The following PLGRKT variants were observed in gnomAD, a reference collection of about 807,000 sequenced individuals.
PLGRKT encodes plasminogen receptor (KT).
PLGRKT carries 22 observed loss-of-function variants against 18.5 expected under a neutral mutation model. The observed-to-expected ratio is 1.19, with a 90% CI of 0.85 to 1.70. PLGRKT has a LOEUF of 1.70. Among genes scored for constraint, PLGRKT ranks in the 40% most tolerant of loss-of-function variants. The pLI, the probability that PLGRKT is intolerant of heterozygous loss-of-function variation, is 0.00. For missense variants in PLGRKT, 235 were observed against 174.4 expected, an observed-to-expected ratio of 1.35 and a Z score of -1.96; for synonymous variants, 72 against 52.8, an observed-to-expected ratio of 1.36 and a Z score of -1.58.
intron 3 of PLGRKT, among the ~76,000 whole-genome samples, chr9:5,387,028 G>C (rs929136873): frequency 1.3e-5 from 2 of 151,912 alleles, no homozygotes; most frequent in Non-Finnish European, 2.9e-5. Context: ...AGACTGCCAA[G>C]GGCAGAGCTC....
At chr9:5,371,169 G>A (rs778208512) in intron 3 of PLGRKT, among the ~76,000 whole-genome samples, 1 of 152,182 alleles carries the variant, frequency 6.6e-6, no homozygotes. Context: ...AAAAACCTGT[G>A]TTTTATGCCA....
chr9:5,396,532 T>G (rs548635633), intron 3 of PLGRKT, among the ~76,000 whole-genome samples: 5 of 152,012 alleles, frequency 3.3e-5, no homozygotes, highest in African/African-American at 1.2e-4. Context: ...TAACCTCAGG[T>G]GATCTGCCCA....
chr9:5,428,819 G>A lies in PLGRKT; in HGVS notation c.81+3078C>T, dbSNP rs140886430. ...GCTCAAGCAATCCTCCCACCTCAGC[G>A]TCCTGTGTAGCTGGGACTATAGTTG... On this transcript the variant is annotated intron_variant, in intron 3 of 5. Transcript: ENST00000223864. 1.2e-3 allele frequency among the ~76,000 whole-genome samples: 176 copies of A among 152,178 alleles called. No individual in the cohort carries two copies. The Middle Eastern group carries it at 0.017, about 15-fold the overall frequency.
chr9:5,435,961 G>A (rs1818951491), intron 2 of PLGRKT, among the ~76,000 whole-genome samples: 1 of 152,190 alleles, frequency 6.6e-6, no homozygotes, highest in Non-Finnish European at 1.5e-5. Context: ...GGAGTTTCAG[G>A]GCTCTGTGCC....
At chr9:5,366,040 A>C (rs976405) in intron 3 of PLGRKT, among the ~76,000 whole-genome samples, 2 of 152,014 alleles carry the variant, frequency 1.3e-5, no homozygotes, top group Non-Finnish European at 2.9e-5. Context: ...ATTTTGATCT[A>C]TAATGTTAAT....
At chr9:5,378,587 T>C (rs1156342726) in intron 3 of PLGRKT, among the ~76,000 whole-genome samples, 1 of 152,204 alleles carries the variant, frequency 6.6e-6, no homozygotes, top group Non-Finnish European at 1.5e-5. Context: ...TGCAAGGGGT[T>C]GGGATGCAGC....
intron 4 of PLGRKT, 111 bp downstream of exon 4, chr9:5,361,647 A>G (rs1006480400): frequency 4.1e-6 from 4 of 986,384 alleles, no homozygotes; most frequent in Non-Finnish European, 6.0e-6. Context: ...TACTTTGGTT[A>G]CATACACTAT....
intron 3 of PLGRKT, among the ~76,000 whole-genome samples, chr9:5,423,176 T>A (rs12003672): frequency 0.063 from 9,655 of 152,158 alleles, 850 homozygotes; most frequent in African/African-American, 0.19. Flanking sequence ...ATATTGAAAG[T>A]GTTTGTTGTC....
Position 5,361,832 on chromosome 9 carries a change from C to G in PLGRKT, c.138G>C (p.Gln46His). ...TGAGGAATTCCCGAGACCACGCAATCTGCATGGCCATTTGTCTTTCCCTCA... is the reference window on the plus strand; with the variant it reads ...TGAGGAATTCCCGAGACCACGCAATGTGCATGGCCATTTGTCTTTCCCTCA... ...SEMRERQMAMQIAWSREFLKY... is the reference protein window; with the variant it reads ...SEMRERQMAMHIAWSREFLKY... Residue 46 changes from glutamine (Q) to histidine (H), a missense_variant, in exon 4 of 6, where the codon CAG becomes CAC. Physicochemically the swap from Gln to His is conservative, Grantham distance 24. Coordinates refer to ENST00000223864, the MANE Select transcript of PLGRKT (RefSeq NM_018465.4). 25 of 1,612,064 alleles carry G rather than the reference C, an allele frequency of 1.6e-5. No individual in the cohort carries two copies. The highest frequency in any genetic ancestry group is 2.2e-5 in the East Asian group (1 of 44,844).
intron 5 of PLGRKT, among the ~76,000 whole-genome samples, chr9:5,360,749 C>T (rs902005855): frequency 6.6e-6 from 1 of 152,164 alleles, no homozygotes; most frequent in African/African-American, 2.4e-5. Context: ...CAGATGAGTT[C>T]TGTTTATTAC....
At position 5,413,567 on chromosome 9, in the gene PLGRKT, G is replaced by C. The variant is rs80322861; in HGVS notation, c.81+18330C>G. Among the ~76,000 whole-genome samples, 1,094 of 152,282 alleles carry C rather than the reference G, an allele frequency of 7.2e-3. 4 individuals carry two copies. The highest frequency in any genetic ancestry group is 9.5e-3 in the Non-Finnish European group (643 of 68,010). ...TGCTGCTAGCTTAAATGTGGAGGAA[G>C]GGCCCATGAGCCAAGGAATGCAGGC... On this transcript the variant is annotated intron_variant, in intron 3 of 5. Coordinates refer to ENST00000223864, the MANE Select transcript of PLGRKT (RefSeq NM_018465.4).
chr9:5,387,734 G>A (rs1817872075), intron 3 of PLGRKT, among the ~76,000 whole-genome samples: 1 of 151,748 alleles, frequency 6.6e-6, no homozygotes, highest in Non-Finnish European at 1.5e-5. Context: ...AACATCTGTA[G>A]AAATCAAGCT....
Position 5,418,962 on chromosome 9 carries a change from G to T in PLGRKT, c.81+12935C>A. ...GATCTGACATTCTAGCAGAGTCCTG[G>T]GACAGCGTCTCCATGGTGGACCCTG... On this transcript the variant is annotated intron_variant, in intron 3 of 5. Coordinates refer to ENST00000223864, the MANE Select transcript of PLGRKT (RefSeq NM_018465.4). The surrounding 1 kb of genome is among the most constrained non-coding windows in gnomAD (Gnocchi z 4.2). 1 of 725,538 alleles carries T rather than the reference G, an allele frequency of 1.4e-6. No individual in the cohort carries two copies. Among genetic ancestry groups the T allele is most frequent in the Non-Finnish European group, 2.3e-6 (1 of 441,292 alleles). The allele number at this position is 725,538 out of a possible 1,614,324, so 44.9% of individuals were successfully genotyped here.
chr9:5,365,500 T>C (rs1232369825), intron 3 of PLGRKT, among the ~76,000 whole-genome samples: 1 of 139,434 alleles, frequency 7.2e-6, no homozygotes, highest in Admixed American at 7.2e-5. Flanking sequence ...CTCCCACCCC[T>C]TGATCTTGGG....
chr9:5,427,602 G>C (rs991544001), intron 3 of PLGRKT, among the ~76,000 whole-genome samples: 2 of 152,108 alleles, frequency 1.3e-5, no homozygotes, highest in Non-Finnish European at 2.9e-5. Flanking sequence ...TGTATGTACT[G>C]GGAAAACCAT....
chr9:5,405,039 G>A (rs996113956), intron 3 of PLGRKT, among the ~76,000 whole-genome samples: 1 of 152,072 alleles, frequency 6.6e-6, no homozygotes, highest in African/African-American at 2.4e-5. Context: ...CTGCCACAAA[G>A]AAAATAAAAT....
chr9:5,415,920 A>C (rs969128976), intron 3 of PLGRKT, among the ~76,000 whole-genome samples: 2 of 150,540 alleles, frequency 1.3e-5, no homozygotes, highest in African/African-American at 4.9e-5. Context: ...TGGAACAGAA[A>C]AGGGACTTTA....
chr9:5,424,671 TATATA>T (rs1818656427), intron 3 of PLGRKT, among the ~76,000 whole-genome samples: 3 of 69,300 alleles, frequency 4.3e-5, no homozygotes, highest in Non-Finnish European at 6.0e-5. Context: ...ATATATTTTA[TATATA>T]TATATATATA....
chr9:5,393,233 G>A (rs1374305970), intron 3 of PLGRKT, among the ~76,000 whole-genome samples: 1 of 151,808 alleles, frequency 6.6e-6, no homozygotes, highest in East Asian at 1.9e-4. Context: ...AGTGAAGTCA[G>A]GATAAACATC....
Sources: gnomAD v4.1 joint callset for allele counts (sites outside exome capture counted in the v4.1 genomes callset) on GRCh38, gnomAD v4.1.1 for gene constraint, Gnocchi (gnomAD v3.1) non-coding constraint, MANE v1.5 for transcripts, NCBI Gene and HGNC (gene_info 2026-07-23, HGNC 2026-07-21) for gene names.